KLHL29: variants seen among roughly 807,000 people sequenced by gnomAD.
KLHL29 encodes the protein kelch like family member 29.
KLHL29 carries 21 observed loss-of-function variants against 80.4 expected under a neutral mutation model. The observed-to-expected ratio is 0.26, with a 90% CI of 0.19 to 0.38. KLHL29 has a LOEUF of 0.38. KLHL29 is among the 10% of genes least tolerant of loss of function. KLHL29 has a pLI of 1.00. For missense variants in KLHL29, 867 were observed against 1,223.9 expected (o/e 0.71, Z 4.35); for synonymous variants, 511 against 526.8 (o/e 0.97, Z 0.41).
Position 23,504,343 on chromosome 2 carries a change from C to T in KLHL29, c.-46+28676C>T, listed in dbSNP as rs369044623. ...TGATCGCCCACCAGCCTTAGCATTC[C>T]GGAGTTTTCAGGGTCGGAGTGGGGG... On this transcript the variant is annotated intron_variant, in intron 2 of 13. Coordinates refer to ENST00000486442, the MANE Select transcript of KLHL29 (RefSeq NM_052920.2). Among the ~76,000 whole-genome samples the T allele has an allele frequency of 5.9e-5, 9 of 152,266 alleles. No homozygotes were observed. The South Asian group carries it at 1.5e-3, about 25-fold the overall frequency.
At chr2:23,388,132 C>A (rs1666231017) in intron 1 of KLHL29, among the ~76,000 whole-genome samples, 1 of 151,946 alleles carries the variant, frequency 6.6e-6, no homozygotes, top group African/African-American at 2.4e-5. Flanking sequence ...GGGTGGGGAT[C>A]TAGTGTTGTG....
intron 1 of KLHL29, among the ~76,000 whole-genome samples, chr2:23,471,950 A>C (rs1664505152): frequency 6.6e-6 from 1 of 152,202 alleles, no homozygotes; most frequent in African/African-American, 2.4e-5. Flanking sequence ...ATCACTTTTA[A>C]ATACCATGTA....
rs80009843 is a variant in KLHL29 at position 23,700,245 on chromosome 2, G to A, written c.2106-2941G>A. On this transcript the variant is annotated intron_variant, in intron 11 of 13. Coordinates refer to ENST00000486442, the MANE Select transcript of KLHL29 (RefSeq NM_052920.2). This position sits in a 1 kb window ranked among gnomAD's most constrained non-coding sequence, Gnocchi z 4.6. The stretch of plus-strand genomic sequence containing the variant: ...AACAAGACCTGTTTTCTGCTGGCTC[G>A]TGAGATCTGAAGTTAAAATTACAGG... 0.033 allele frequency among the ~76,000 whole-genome samples: 4,973 copies of A among 152,164 alleles called. 103 individuals carry two copies. Among genetic ancestry groups the A allele is most frequent in the South Asian group, 0.086 (415 of 4,812 alleles).
At chr2:23,706,056 C>G (rs1672702174) in intron 13 of KLHL29, among the ~76,000 whole-genome samples, 1 of 152,204 alleles carries the variant, frequency 6.6e-6, no homozygotes, top group African/African-American at 2.4e-5. Flanking sequence ...GGCTGACATT[C>G]AATTCCAGCT....
chr2:23,385,524 A>G lies in KLHL29; in HGVS notation c.-410A>G. On this transcript the variant is annotated 5_prime_UTR_variant, in exon 1 of 14. Coordinates refer to ENST00000486442, the MANE Select transcript of KLHL29 (RefSeq NM_052920.2). The stretch of plus-strand genomic sequence containing the variant: ...GCCGCACAGGCTGACAGGCAGGAGG[A>G]CCGACTTCCCTCTCCCGGGCATCCT... The G allele has an allele frequency of 5.9e-6, 1 of 169,246 alleles. No homozygotes were observed. Among genetic ancestry groups the G allele is most frequent in the Non-Finnish European group, 1.4e-5 (1 of 69,804 alleles). 10.5% of individuals were successfully genotyped at this position (169,246 alleles called of 1,614,324 possible).
At chr2:23,575,158 C>G (rs1434041873) in intron 3 of KLHL29, among the ~76,000 whole-genome samples, 1 of 152,192 alleles carries the variant, frequency 6.6e-6, no homozygotes, top group African/African-American at 2.4e-5. Flanking sequence ...GCACAGTGGG[C>G]GGGTCAGGCC....
chr2:23,649,606 C>T (rs575620060), intron 5 of KLHL29, among the ~76,000 whole-genome samples: 15 of 152,358 alleles, frequency 9.8e-5, no homozygotes, highest in African/African-American at 3.1e-4. Context: ...ACCCTCTCTC[C>T]ACGGGGCTGC....
chr2:23,525,791 T>C (rs1227964312), intron 2 of KLHL29, among the ~76,000 whole-genome samples: 3 of 140,916 alleles, frequency 2.1e-5, no homozygotes, highest in African/African-American at 7.8e-5. Flanking sequence ...TAGAAAGCTA[T>C]CAGGTGCGCA....
intron 2 of KLHL29, among the ~76,000 whole-genome samples, chr2:23,504,642 G>C (rs554702239): frequency 1.3e-5 from 2 of 152,370 alleles, no homozygotes; most frequent in South Asian, 2.1e-4. Context: ...GAACTGGAAG[G>C]GGGTAGGCAC....
At chr2:23,437,709 G>A (rs1244294478) in intron 1 of KLHL29, among the ~76,000 whole-genome samples, 1 of 152,196 alleles carries the variant, frequency 6.6e-6, no homozygotes, top group Non-Finnish European at 1.5e-5. Context: ...TTTGGTTACT[G>A]TAGCCTTGTA....
At chr2:23,646,363 G>A (rs933952438) in intron 5 of KLHL29, among the ~76,000 whole-genome samples, 2 of 152,202 alleles carry the variant, frequency 1.3e-5, no homozygotes, top group Non-Finnish European at 2.9e-5. Flanking sequence ...AGTTTTTGGT[G>A]GCTCAGAGGA....
chr2:23,404,015 C>G (rs1248187574), intron 1 of KLHL29, among the ~76,000 whole-genome samples: 1 of 152,116 alleles, frequency 6.6e-6, no homozygotes, highest in African/African-American at 2.4e-5. Flanking sequence ...ATGATAGTCT[C>G]CTTGGCAGCC....
intron 1 of KLHL29, among the ~76,000 whole-genome samples, chr2:23,423,553 A>G (rs1298250388): frequency 6.6e-6 from 1 of 152,214 alleles, no homozygotes; most frequent in Non-Finnish European, 1.5e-5. Context: ...CTCAAAGGGA[A>G]ATGGCCTCTG....
At chr2:23,569,009 C>A (rs1667653689) in intron 3 of KLHL29, among the ~76,000 whole-genome samples, 1 of 152,128 alleles carries the variant, frequency 6.6e-6, no homozygotes, top group Admixed American at 6.5e-5. Flanking sequence ...CCAGTTGGCT[C>A]TCAGGGGATC....
rs930256387 is a variant in KLHL29 at position 23,438,344 on chromosome 2, C to T, written c.-153-37216C>T. Among the ~76,000 whole-genome samples, 209 of 150,026 alleles carry T rather than the reference C, an allele frequency of 1.4e-3. 2 individuals carry two copies. The highest frequency in any genetic ancestry group is 4.2e-3 in the African/African-American group (169 of 40,442). On this transcript the variant is annotated intron_variant, in intron 1 of 13. Transcript: ENST00000486442. ...TTGCCCTGGCCAGAACTTCCAACAC[C>T]ATGTTGAATAGGAGTGGTGAGAGAG...
chr2:23,563,227 A>C (rs1353768332), intron 3 of KLHL29, among the ~76,000 whole-genome samples: 1 of 152,226 alleles, frequency 6.6e-6, no homozygotes, highest in African/African-American at 2.4e-5. Context: ...TGTGGAAAAC[A>C]GTGTTGCCAA....
intron 1 of KLHL29, among the ~76,000 whole-genome samples, chr2:23,458,055 C>A (rs565395081): frequency 7.2e-5 from 11 of 152,268 alleles, no homozygotes; most frequent in Admixed American, 7.2e-4. Context: ...AGGATGCCTG[C>A]TCCTGGGGAA....
intron 2 of KLHL29, among the ~76,000 whole-genome samples, chr2:23,479,497 A>G (rs1483826116): frequency 6.6e-6 from 1 of 152,070 alleles, no homozygotes; most frequent in Non-Finnish European, 1.5e-5. Context: ...CCTGCCAGGA[A>G]GGGAAGCTGT....
At chr2:23,467,165 T>TC (rs1375018851) in intron 1 of KLHL29, among the ~76,000 whole-genome samples, 2 of 152,214 alleles carry the variant, frequency 1.3e-5, no homozygotes, top group East Asian at 3.8e-4. Context: ...GATGGGTACC[T>TC]CCGTGCTGAC....
Sources: gnomAD v4.1 joint callset for allele counts (sites outside exome capture counted in the v4.1 genomes callset) on GRCh38, gnomAD v4.1.1 for gene constraint, Gnocchi (gnomAD v3.1) non-coding constraint, MANE v1.5 for transcripts, NCBI Gene and HGNC (gene_info 2026-07-23, HGNC 2026-07-21) for gene names.